The following COG5 variants were observed in gnomAD, a reference collection of about 807,000 sequenced individuals.
COG5 encodes conserved oligomeric Golgi complex subunit 5.
A neutral mutation model predicts 110.4 loss-of-function variants in COG5; 86 were observed. That is an observed-to-expected ratio of 0.78 (90% CI 0.65 to 0.93). The LOEUF (loss-of-function observed/expected upper bound fraction) is 0.93, where lower values mean the gene tolerates loss of function less well. Ranked by LOEUF, COG5 falls within the 40% of genes least tolerant of loss-of-function variation. COG5 has a pLI of 0.00. For synonymous variants in COG5, 360 were observed against 334.6 expected, an observed-to-expected ratio of 1.08 and a Z score of -0.83; for missense variants, 1,077 against 987.0, an observed-to-expected ratio of 1.09 and a Z score of -1.22.
At position 107,324,465 on chromosome 7, in the gene COG5, A is replaced by C; in HGVS notation, c.1083T>G (p.Ser361=). The part of the protein sequence containing the change: ...TFWNSVTQAL[S]SQFHMATNSS... ...AGTTTGTTGCCATATGAAATTGAGA[A>C]GAAAGTGCCTGAGTAACTGAATTCC... Residue 361 remains serine (S), a synonymous_variant, in exon 11 of 22, where the codon TCT becomes TCG. Coordinates refer to ENST00000297135, the MANE Select transcript of COG5 (RefSeq NM_006348.5). 1 of 1,604,830 alleles carries C rather than the reference A, an allele frequency of 6.2e-7. No individual in the cohort carries two copies. The highest frequency in any genetic ancestry group is 2.2e-5 in the East Asian group (1 of 44,612).
At chr7:107,288,907 GATAT>G (rs60313728) in intron 12 of COG5, among the ~76,000 whole-genome samples, 1,228 of 93,060 alleles carry the variant, frequency 0.013, 5 homozygotes, top group Non-Finnish European at 0.017. Flanking sequence ...TTCTAACAGA[GATAT>G]ATATATATAT....
chr7:107,221,334 C>A (rs1799912446), intron 19 of COG5, among the ~76,000 whole-genome samples: 1 of 152,096 alleles, frequency 6.6e-6, no homozygotes, highest in African/African-American at 2.4e-5. Context: ...CGAACAGCAG[C>A]CATATGGAAT....
intron 6 of COG5, among the ~76,000 whole-genome samples, chr7:107,493,066 T>C (rs1399796173): frequency 6.6e-6 from 1 of 152,160 alleles, no homozygotes; most frequent in African/African-American, 2.4e-5. Flanking sequence ...CCACCTTATG[T>C]ACACATACAG....
At chr7:107,462,652 A>G (rs1293293574) in intron 6 of COG5, among the ~76,000 whole-genome samples, 1 of 152,060 alleles carries the variant, frequency 6.6e-6, no homozygotes, top group African/African-American at 2.4e-5. Flanking sequence ...AAGGAGGAAA[A>G]GGAATTCATC....
intron 16 of COG5, among the ~76,000 whole-genome samples, chr7:107,249,680 A>C (rs1802330682): frequency 7.0e-6 from 1 of 142,706 alleles, no homozygotes. Context: ...TAAATATACA[A>C]CGTACAGGAT....
intron 7 of COG5, among the ~76,000 whole-genome samples, chr7:107,386,393 T>G (rs935705313): frequency 1.2e-4 from 19 of 152,074 alleles, no homozygotes; most frequent in African/African-American, 4.6e-4. Flanking sequence ...TGGACGTTAT[T>G]TATCTGTCGT....
At chr7:107,525,672 T>C (rs190366067) in intron 6 of COG5, among the ~76,000 whole-genome samples, 98 of 152,162 alleles carry the variant, frequency 6.4e-4, no homozygotes, top group African/African-American at 2.2e-3. Flanking sequence ...CCCATCTCAG[T>C]TTCCCAAGTA....
chr7:107,394,056 G>A (rs1790811734), intron 7 of COG5, among the ~76,000 whole-genome samples: 2 of 151,830 alleles, frequency 1.3e-5, no homozygotes, highest in South Asian at 4.1e-4. Context: ...CCACCTCCCA[G>A]GTTCACGCCA....
chr7:107,455,801 GTTTGTT>G (rs1795630466), intron 6 of COG5, among the ~76,000 whole-genome samples: 1 of 151,034 alleles, frequency 6.6e-6, no homozygotes. Flanking sequence ...TCTGTTGTTT[GTTTGTT>G]TTTGAGACAG....
chr7:107,329,297 G>A (rs1280644235), intron 10 of COG5, among the ~76,000 whole-genome samples: 2 of 152,144 alleles, frequency 1.3e-5, no homozygotes, highest in African/African-American at 2.4e-5. Flanking sequence ...AAGAAAGGAT[G>A]TGAAAAGTCC....
intron 19 of COG5, among the ~76,000 whole-genome samples, chr7:107,214,016 A>T (rs1271921059): frequency 6.6e-6 from 1 of 152,204 alleles, no homozygotes. Flanking sequence ...TAAAAAGTTA[A>T]ATGAAATCTG....
At chr7:107,230,563 G>A (rs1800701398) in intron 19 of COG5, 52 bp downstream of exon 19, 2 of 1,343,066 alleles carry the variant, frequency 1.5e-6, no homozygotes, top group Non-Finnish European at 2.1e-6. Context: ...TGCACAGAAA[G>A]GATTTATTTG....
intron 11 of COG5, among the ~76,000 whole-genome samples, chr7:107,300,454 G>A (rs947324277): frequency 6.6e-6 from 1 of 152,102 alleles, no homozygotes; most frequent in Non-Finnish European, 1.5e-5. Context: ...AGCTACTAGA[G>A]TTAACATAAT....
chr7:107,470,983 AT>A (rs1214962462), intron 6 of COG5, among the ~76,000 whole-genome samples: 1 of 152,118 alleles, frequency 6.6e-6, no homozygotes, highest in African/African-American at 2.4e-5. Context: ...AAGTTACAAT[AT>A]TTTTAGAGCA....
At chr7:107,303,197 G>A (rs1005416823) in intron 11 of COG5, among the ~76,000 whole-genome samples, 2 of 151,626 alleles carry the variant, frequency 1.3e-5, no homozygotes, top group Non-Finnish European at 2.9e-5. Flanking sequence ...TTACAGGTGT[G>A]AGCTATCATG....
At chr7:107,538,119 GT>G in intron 5 of COG5, among the ~76,000 whole-genome samples, 1 of 152,188 alleles carries the variant, frequency 6.6e-6, no homozygotes, top group Non-Finnish European at 1.5e-5. Context: ...TGGAAGCCAG[GT>G]ATGTTCAACA....
intron 10 of COG5, among the ~76,000 whole-genome samples, chr7:107,359,740 C>T (rs922597822): frequency 6.6e-6 from 1 of 152,182 alleles, no homozygotes; most frequent in African/African-American, 2.4e-5. Flanking sequence ...TGGGTCTCCT[C>T]TGTACTGAGG....
intron 11 of COG5, among the ~76,000 whole-genome samples, chr7:107,308,285 G>A (rs1237574592): frequency 2.0e-5 from 3 of 152,094 alleles, no homozygotes; most frequent in Admixed American, 1.3e-4. Context: ...AATTCCTTAT[G>A]TTTGGGTCTT....
chr7:107,386,159 A>G (rs1044088290), intron 7 of COG5, among the ~76,000 whole-genome samples: 2 of 151,728 alleles, frequency 1.3e-5, no homozygotes, highest in South Asian at 4.2e-4. Flanking sequence ...TTTGAGCTAT[A>G]GCAAGGGTAA....
Sources: allele counts gnomAD v4.1 joint callset (sites outside exome capture counted in the v4.1 genomes callset), GRCh38; gene constraint gnomAD v4.1.1; transcripts MANE v1.5; gene names NCBI Gene and HGNC (gene_info 2026-07-23, HGNC 2026-07-21).